ZFHX3: variants seen among roughly 807,000 people sequenced by gnomAD.
ZFHX3 encodes zinc finger homeobox 3.
In ZFHX3, 42 loss-of-function variants were observed where a neutral mutation model predicts 279.1. The ratio of observed to expected loss-of-function variants is 0.15; its 90% CI spans 0.12 to 0.19. ZFHX3 has a LOEUF of 0.19. Ranked by LOEUF, ZFHX3 falls within the 10% of genes least tolerant of loss-of-function variation. ZFHX3 has a pLI of 1.00. For missense variants in ZFHX3, 4,981 were observed against 4,754.0 expected (o/e 1.05, Z -1.40); for synonymous variants, 2,293 against 1,957.8 (o/e 1.17, Z -4.52).
rs142284261 is a variant in ZFHX3, at chr16:73,031,441, G to A, written c.-50+16311C>T. The stretch of plus-strand genomic sequence containing the variant: ...AGGGTTTGGAGCATTCCAGGTATCA[G>A]GAGGCCAAAGGGAAAAGCGATTTTC... On this transcript the variant is annotated intron_variant, in intron 1 of 9. Transcript: ENST00000268489. 3.1e-3 allele frequency among the ~76,000 whole-genome samples: 473 copies of A among 152,298 alleles called. 1 individual carries two copies. Among genetic ancestry groups the A allele is most frequent in the South Asian group, 8.9e-3 (43 of 4,826 alleles).
rs143561313 is a variant in ZFHX3 at position 72,957,430 on chromosome 16, G to C, written c.2716C>G (p.Leu906Val). The C allele has an allele frequency of 2.5e-6, 4 of 1,607,580 alleles. No homozygotes were observed. The highest frequency in any genetic ancestry group is 1.7e-4 in the Middle Eastern group (1 of 6,022). Residue 906 changes from leucine (L) to valine (V), a missense_variant, in exon 2 of 10, where the codon CTA becomes GTA. Physicochemically the swap from Leu to Val is conservative, Grantham distance 32. Around this residue, in one of 7 missense-constraint regions of ZFHX3, gnomAD observed 1,751 missense variants for 1,770.0 expected, o/e 0.99. Coordinates refer to ENST00000268489, the MANE Select transcript of ZFHX3 (RefSeq NM_006885.4). ...ACAAACACGTAGTCATCCTCACCTA[G>C]AGCAGGCGTCATGGCGGCCATGGGC... ...AGPMAAMTPA[L>V]VGGEIPLDMR...
At chr16:73,581,931 C>A (rs910370983) in intron 2 of ZFHX3, among the ~76,000 whole-genome samples, 1 of 151,682 alleles carries the variant, frequency 6.6e-6, no homozygotes, top group Non-Finnish European at 1.5e-5. Context: ...GCCTTGGCCT[C>A]CCAAAGTGCT....
At chr16:73,656,818 ATTCT>A (rs941855328) in intron 2 of ZFHX3, among the ~76,000 whole-genome samples, 19 of 152,226 alleles carry the variant, frequency 1.2e-4, no homozygotes, top group Admixed American at 5.2e-4. Flanking sequence ...CCCTTTTCTC[ATTCT>A]TTCTAAATTT....
intron 4 of ZFHX3, among the ~76,000 whole-genome samples, chr16:73,273,197 A>G (rs1034222775): frequency 1.3e-5 from 2 of 152,190 alleles, no homozygotes; most frequent in Admixed American, 6.5e-5. Context: ...ACCTGCTACA[A>G]GGAGGAAGTG....
chr16:73,624,303 G>A lies in ZFHX3; in HGVS notation c.-1547+55877C>T, dbSNP rs2052395450. ...CTGTTTCAAATGCACCAATGTTTAT[G>A]TTTATGTTACAAATAGGCTGATTTC... On this transcript the variant is annotated intron_variant, in intron 2 of 17. Transcript: ENST00000641206. Among the ~76,000 whole-genome samples the A allele has an allele frequency of 2.0e-5, 3 of 152,154 alleles. 1 individual carries two copies. The highest frequency in any genetic ancestry group is 2.9e-5 in the Non-Finnish European group (2 of 68,012).
chr16:72,960,275 G>A (rs1223109968), intron 1 of ZFHX3, 81 bp from the exon 2 acceptor site: 2 of 1,172,202 alleles, frequency 1.7e-6, no homozygotes, highest in Non-Finnish European at 2.3e-6. Flanking sequence ...GGCCGAGGCT[G>A]AGGTCCTACC....
In ZFHX3 at chr16:73,411,734, A is replaced by G. The variant is rs537441941; in HGVS notation, c.-1291+44269T>C. On this transcript the variant is annotated intron_variant, in intron 3 of 17. Transcript: ENST00000641206. ...GGAATATTTTGAACCCTGGGTGGACATGTGACTGAAGCTTAGTGCAAGCTG... is the reference window on the plus strand; with the variant it reads ...GGAATATTTTGAACCCTGGGTGGACGTGTGACTGAAGCTTAGTGCAAGCTG... Among the ~76,000 whole-genome samples the G allele has an allele frequency of 2.6e-4, 40 of 152,334 alleles. No individual in the cohort carries two copies. The South Asian group carries it at 3.3e-3, about 13-fold the overall frequency.
intron 7 of ZFHX3, among the ~76,000 whole-genome samples, chr16:73,106,308 T>C (rs572504266): frequency 4.6e-5 from 7 of 152,202 alleles, no homozygotes; most frequent in African/African-American, 1.2e-4. Flanking sequence ...TATTTAGTGA[T>C]GGTGAAGCTT....
intron 1 of ZFHX3, among the ~76,000 whole-genome samples, chr16:73,727,906 C>T (rs55909569): frequency 6.6e-6 from 1 of 151,832 alleles, no homozygotes; most frequent in East Asian, 1.9e-4. Context: ...ACGGGTAAAT[C>T]TTCCAGGGCT....
At chr16:73,149,618 G>A (rs1309450599) in intron 5 of ZFHX3, among the ~76,000 whole-genome samples, 2 of 152,092 alleles carry the variant, frequency 1.3e-5, no homozygotes, top group African/African-American at 4.8e-5. Context: ...CGGCGTTTCA[G>A]AGTGACACCA....
chr16:73,598,718 C>T (rs2052079457), intron 2 of ZFHX3, among the ~76,000 whole-genome samples: 1 of 151,880 alleles, frequency 6.6e-6, no homozygotes, highest in African/African-American at 2.4e-5. Context: ...CTGTGCCTGG[C>T]CTAGAACACG....
rs536499419 is a variant in ZFHX3 at position 73,136,328 on chromosome 16, TG to T, written c.-1023-5235del. Among the ~76,000 whole-genome samples, 353 of 152,294 alleles carry T rather than the reference TG, an allele frequency of 2.3e-3. 2 individuals carry two copies. The highest frequency in any genetic ancestry group is 7.9e-3 in the African/African-American group (328 of 41,556). On this transcript the variant is annotated intron_variant, in intron 6 of 17. Transcript: ENST00000641206. ...ACTCTTCTGCCTTGTTTTTGGAATT[TG>T]GGGTGACCCAAACTTGACAGTCCAG... is the stretch of plus-strand genomic sequence containing the variant.
intron 1 of ZFHX3, among the ~76,000 whole-genome samples, chr16:73,884,746 T>G (rs2030291814): frequency 6.6e-6 from 1 of 152,210 alleles, no homozygotes; most frequent in African/African-American, 2.4e-5. Context: ...ATAAGAATCT[T>G]TCTGCCTAAG....
Position 72,960,133 on chromosome 16 carries a change from C to A in ZFHX3, c.13G>T (p.Asp5Tyr), listed in dbSNP as rs1381862487. Residue 5 changes from aspartate to tyrosine, a missense_variant, in exon 2 of 10, where the codon GAC becomes TAC. Transcript: ENST00000268489. ...TCCTTCCCCGAGACGACGGGCGAGT[C>A]ACAGCCTTCCATGGTAAGGCCTGCG... MEGCDSPVVSGKDNG... is the reference protein window; with the variant it reads MEGCYSPVVSGKDNG... The A allele has an allele frequency of 6.3e-7, 1 of 1,579,626 alleles. No homozygotes were observed. Among genetic ancestry groups the A allele is most frequent in the Non-Finnish European group, 8.6e-7 (1 of 1,161,202 alleles).
At chr16:73,641,008 C>T (rs750526717) in intron 2 of ZFHX3, among the ~76,000 whole-genome samples, 6 of 152,212 alleles carry the variant, frequency 3.9e-5, no homozygotes, top group South Asian at 4.1e-4. Context: ...TTCTCAGCAG[C>T]GGCACTGGAA....
At chr16:73,802,370 GT>G (rs1229087924) in intron 1 of ZFHX3, among the ~76,000 whole-genome samples, 2 of 152,202 alleles carry the variant, frequency 1.3e-5, no homozygotes, top group East Asian at 3.9e-4. Context: ...TGCTATGGGT[GT>G]TTCCCAGTGT....
chr16:73,052,042 C>T (rs376911704), upstream of ZFHX3, among the ~76,000 whole-genome samples: 3 of 152,216 alleles, frequency 2.0e-5, no homozygotes, highest in African/African-American at 7.2e-5. Flanking sequence ...AGGTGGGCTC[C>T]TATTTTGTTC....
intron 1 of ZFHX3, among the ~76,000 whole-genome samples, chr16:73,760,129 C>T (rs548040598): frequency 4.0e-5 from 6 of 151,732 alleles, no homozygotes; most frequent in Non-Finnish European, 8.8e-5. Context: ...ACTTACTCCA[C>T]AGAAATACCA....
intron 2 of ZFHX3, among the ~76,000 whole-genome samples, chr16:73,620,657 C>T (rs999758882): frequency 1.3e-5 from 2 of 152,146 alleles, no homozygotes; most frequent in Non-Finnish European, 2.9e-5. Flanking sequence ...TTCTTTTCCC[C>T]TAAGTGACGA....
Sources: gnomAD v4.1 joint callset for allele counts (sites outside exome capture counted in the v4.1 genomes callset) on GRCh38, gnomAD v4.1.1 for gene constraint, gnomAD v4.1.1 regional missense constraint, MANE v1.5 for transcripts, NCBI Gene and HGNC (gene_info 2026-07-23, HGNC 2026-07-21) for gene names.